Variants in FMR1NB observed in about 807,000 individuals in gnomAD.
The protein encoded by FMR1NB is FMR1 neighbor protein.
A neutral mutation model predicts 16.8 loss-of-function variants in FMR1NB; 10 were observed. The ratio of observed to expected loss-of-function variants is 0.60; its 90% CI spans 0.37 to 1.01. The LOEUF is 1.01. FMR1NB is among the 50% of genes least tolerant of loss of function. The pLI is 0.01. For synonymous variants in FMR1NB, 83 were observed against 79.1 expected, an observed-to-expected ratio of 1.05 and a Z score of -0.26; for missense variants, 205 against 204.8, an observed-to-expected ratio of 1.00 and a Z score of 0.00.
chrX:147,982,364 G>A (rs1222664704), intron 1 of FMR1NB, among the ~76,000 whole-genome samples: 2 of 110,207 alleles, frequency 1.8e-5, no homozygotes, highest in Non-Finnish European at 3.8e-5. Context: ...GAGGCGGGCG[G>A]ATTGCCTGAG....
chrX:148,006,810 C>A lies in FMR1NB; in HGVS notation c.506C>A (p.Thr169Lys). 8.3e-7 allele frequency: 1 copy of A among 1,210,016 alleles called. No homozygotes were observed. The change falls in exon 3 of 6, where the codon ACG becomes AAG. Residue 169 changes from threonine (T) to lysine (K), a missense_variant. Physicochemically the swap from Thr to Lys is moderately conservative, Grantham distance 78. Coordinates refer to ENST00000370467, the MANE Select transcript of FMR1NB (RefSeq NM_152578.3). The stretch of plus-strand genomic sequence containing the variant: ...TGCTGTTTTTCATCATCGGGGACCA[C>A]GAGCTTCAAATGTTTTGCTCCATTT... Reference protein sequence around the residue: ...HKCCFSSSGTTSFKCFAPFRD... With the variant: ...HKCCFSSSGTKSFKCFAPFRD...
intron 3 of FMR1NB, among the ~76,000 whole-genome samples, 170 bp from the exon 4 acceptor site, chrX:148,008,448 A>G (rs1557189336): frequency 8.9e-6 from 1 of 112,323 alleles, no homozygotes; most frequent in African/African-American, 3.2e-5. Context: ...AGAACATTTC[A>G]TGAACTCCTG....
At chrX:148,008,860 T>C in intron 4 of FMR1NB, 149 bp downstream of exon 4, 1 of 510,638 alleles carries the variant, frequency 2.0e-6, no homozygotes. Context: ...GACCTAAAAC[T>C]AGAGTTGCCA....
At chrX:147,991,802 G>T (rs982021099) in intron 1 of FMR1NB, among the ~76,000 whole-genome samples, 2 of 108,051 alleles carry the variant, frequency 1.9e-5, no homozygotes, top group South Asian at 8.2e-4. Flanking sequence ...AGAGGACCCT[G>T]CGGCCTTCAG....
intron 4 of FMR1NB, among the ~76,000 whole-genome samples, chrX:148,018,794 C>G (rs1281617709): frequency 1.8e-5 from 2 of 111,648 alleles, no homozygotes; most frequent in Non-Finnish European, 3.8e-5. Flanking sequence ...ACACCAAAAG[C>G]AATGACAACA....
chrX:148,021,531 A>G (rs1299852121), intron 4 of FMR1NB, among the ~76,000 whole-genome samples: 3 of 108,593 alleles, frequency 2.8e-5, no homozygotes, highest in African/African-American at 1.0e-4. Flanking sequence ...CTTTCTGATC[A>G]GTTATGTTAA....
chrX:147,985,630 C>A (rs2124610068), intron 1 of FMR1NB, among the ~76,000 whole-genome samples: 1 of 111,851 alleles, frequency 8.9e-6, no homozygotes, highest in South Asian at 3.7e-4. Context: ...CATCCATGTC[C>A]CTGCAAAGGA....
At chrX:147,988,897 G>A (rs1446761339) in intron 1 of FMR1NB, among the ~76,000 whole-genome samples, 1 of 111,280 alleles carries the variant, frequency 9.0e-6, no homozygotes, top group African/African-American at 3.3e-5. Context: ...ATTCTAGTTA[G>A]CAGTTCCTGT....
At chrX:148,013,835 T>G (rs1271890578) in intron 4 of FMR1NB, among the ~76,000 whole-genome samples, 4 of 112,095 alleles carry the variant, frequency 3.6e-5, no homozygotes, top group Non-Finnish European at 7.5e-5. Context: ...CCCTTGACCC[T>G]TCTCCATTCC....
intron 1 of FMR1NB, among the ~76,000 whole-genome samples, chrX:147,986,271 C>A (rs1453716501): frequency 8.9e-6 from 1 of 112,207 alleles, no homozygotes; most frequent in Non-Finnish European, 1.9e-5. Flanking sequence ...CTATAGGTTG[C>A]CTGTTCACTC....
At chrX:148,007,243 A>T (rs957610917) in intron 3 of FMR1NB, among the ~76,000 whole-genome samples, 3 of 111,842 alleles carry the variant, frequency 2.7e-5, no homozygotes, top group African/African-American at 9.8e-5. Context: ...AGTATGTAAC[A>T]GTAGACTTGA....
chrX:147,990,055 AC>A (rs1476959303), intron 1 of FMR1NB, among the ~76,000 whole-genome samples: 6 of 103,451 alleles, frequency 5.8e-5, no homozygotes, highest in Admixed American at 5.2e-4. Context: ...AAAAAAAAAA[AC>A]AAAAGCTCCT....
intron 4 of FMR1NB, among the ~76,000 whole-genome samples, chrX:148,023,483 G>C (rs1557190757): frequency 9.0e-6 from 1 of 111,081 alleles, no homozygotes; most frequent in Non-Finnish European, 1.9e-5. Context: ...TTCAAAGGCA[G>C]ACTTATCTTT....
At chrX:148,007,808 C>T (rs1373952083) in intron 3 of FMR1NB, among the ~76,000 whole-genome samples, 1 of 111,788 alleles carries the variant, frequency 8.9e-6, no homozygotes, top group Admixed American at 9.5e-5. Context: ...ATTCAATTTA[C>T]GGCTTTTTGT....
At chrX:148,019,231 C>T (rs1269859775) in intron 4 of FMR1NB, among the ~76,000 whole-genome samples, 1 of 112,280 alleles carries the variant, frequency 8.9e-6, no homozygotes, top group Non-Finnish European at 1.9e-5. Context: ...TATTTAACTC[C>T]AGAATTTCTG....
intron 2 of FMR1NB, among the ~76,000 whole-genome samples, chrX:148,006,078 G>A (rs935869739): frequency 9.0e-6 from 1 of 110,667 alleles, no homozygotes; most frequent in Non-Finnish European, 1.9e-5. Context: ...TGAGCTTGCA[G>A]GTCTTTTAGA....
At chrX:147,984,097 C>T (rs189570043) in intron 1 of FMR1NB, among the ~76,000 whole-genome samples, 130 of 112,048 alleles carry the variant, frequency 1.2e-3, no homozygotes, top group African/African-American at 2.8e-3. Flanking sequence ...ATGCTGGTAC[C>T]ACATTCTTTT....
chrX:148,019,282 G>T (rs1044684125), intron 4 of FMR1NB, among the ~76,000 whole-genome samples: 30 of 111,857 alleles, frequency 2.7e-4, no homozygotes, highest in African/African-American at 7.5e-4. Context: ...TTTTCAGTTT[G>T]TCTGATATAA....
intron 4 of FMR1NB, among the ~76,000 whole-genome samples, chrX:148,015,401 T>A (rs1276551164): frequency 8.9e-6 from 1 of 112,030 alleles, no homozygotes; most frequent in Non-Finnish European, 1.9e-5. Context: ...TTATTTAAGA[T>A]GTATCATTAG....
Sources: gnomAD v4.1 joint callset for allele counts (sites outside exome capture counted in the v4.1 genomes callset) on GRCh38, gnomAD v4.1.1 for gene constraint, MANE v1.5 for transcripts, NCBI Gene and HGNC (gene_info 2026-07-23, HGNC 2026-07-21) for gene names.